Variants in PYROXD2 observed in about 807,000 individuals in gnomAD.
PYROXD2 encodes the protein pyridine nucleotide-disulphide oxidoreductase domain 2.
A neutral mutation model predicts 71.1 loss-of-function variants in PYROXD2; 69 were observed. The ratio of observed to expected loss-of-function variants is 0.97; its 90% CI spans 0.80 to 1.19. The LOEUF (loss-of-function observed/expected upper bound fraction) is 1.19. Ranked by LOEUF, PYROXD2 falls within the 50% of genes most tolerant of loss-of-function variation. PYROXD2 has a pLI of 0.00. For missense variants in PYROXD2, 745 were observed against 748.9 expected (o/e 0.99, Z 0.06); for synonymous variants, 287 against 302.7 (o/e 0.95, Z 0.54).
chr10:98,408,141 C>T, intron 2 of PYROXD2, 144 bp from the exon 3 acceptor site: 2 of 687,108 alleles, frequency 2.9e-6, no homozygotes, highest in Non-Finnish European at 4.8e-6. Flanking sequence ...TCATGCTGTT[C>T]CTGCCTCTGG....
At chr10:98,414,948 G>C in intron 1 of PYROXD2, 61 bp downstream of exon 1, 6 of 1,568,660 alleles carry the variant, frequency 3.8e-6, no homozygotes, top group South Asian at 2.4e-5. Flanking sequence ...TCCCCACCAA[G>C]CTCTGAGCAG....
chr10:98,409,367 TA>T (rs1344277023), intron 2 of PYROXD2, among the ~76,000 whole-genome samples: 4 of 152,240 alleles, frequency 2.6e-5, no homozygotes, highest in African/African-American at 9.6e-5. Context: ...TGACAGTATC[TA>T]ATCTGTGGCA....
At chr10:98,403,363 A>T (rs10883089) in intron 4 of PYROXD2, among the ~76,000 whole-genome samples, 1 of 152,034 alleles carries the variant, frequency 6.6e-6, no homozygotes, top group Admixed American at 6.6e-5. Context: ...GCGGCGGCCT[A>T]GTGCTCCACA....
chr10:98,389,263 T>TC (rs1842867750), intron 12 of PYROXD2, among the ~76,000 whole-genome samples: 1 of 150,250 alleles, frequency 6.7e-6, no homozygotes, highest in South Asian at 2.3e-4. Flanking sequence ...CACATCCCAC[T>TC]CCCTATCCAA....
In PYROXD2 at chr10:98,383,639, G is replaced by T; in HGVS notation, c.*159C>A. On this transcript the variant is annotated 3_prime_UTR_variant, in exon 16 of 16. Transcript: ENST00000370575. ...GGAGGCATGGGCATAAGGTCAACTT[G>T]CACTAAATGTAACTCGTACGTTTTT... 1.4e-6 allele frequency: 1 copy of T among 696,848 alleles called. No individual in the cohort carries two copies. Among genetic ancestry groups the T allele is most frequent in the Non-Finnish European group, 2.6e-6 (1 of 382,568 alleles). The allele number at this position is 696,848 out of a possible 1,614,324, so 43.2% of individuals were successfully genotyped here.
intron 5 of PYROXD2, among the ~76,000 whole-genome samples, chr10:98,398,810 A>G (rs1004071365): frequency 6.6e-6 from 1 of 152,088 alleles, no homozygotes; most frequent in Non-Finnish European, 1.5e-5. Context: ...CTGCTGCACA[A>G]AAGAACCACC....
intron 1 of PYROXD2, among the ~76,000 whole-genome samples, chr10:98,414,557 G>A (rs1183260854): frequency 1.3e-5 from 2 of 152,190 alleles, no homozygotes; most frequent in African/African-American, 2.4e-5. Flanking sequence ...GTGACGAGGG[G>A]TGGCCTCAGT....
intron 1 of PYROXD2, among the ~76,000 whole-genome samples, chr10:98,412,320 A>G (rs867836336): frequency 3.9e-5 from 6 of 152,230 alleles, no homozygotes; most frequent in Middle Eastern, 3.4e-3. Context: ...GCTTCTGGTG[A>G]CACCTCTGTT....
chr10:98,408,032 T>C (rs1402273262), intron 2 of PYROXD2, 35 bp from the exon 3 acceptor site: 1 of 1,566,590 alleles, frequency 6.4e-7, no homozygotes, highest in Non-Finnish European at 8.7e-7. Flanking sequence ...GCCCTCCCTT[T>C]ATCCCTCTGA....
chr10:98,413,673 C>T (rs561968489), intron 1 of PYROXD2, among the ~76,000 whole-genome samples: 44 of 152,114 alleles, frequency 2.9e-4, no homozygotes, highest in African/African-American at 9.6e-4. Flanking sequence ...GAGATTGCGC[C>T]GCTGCACTCC....
At chr10:98,394,434 G>T (rs1843073888) in intron 8 of PYROXD2, among the ~76,000 whole-genome samples, 1 of 152,086 alleles carries the variant, frequency 6.6e-6, no homozygotes, top group African/African-American at 2.4e-5. Flanking sequence ...CCGAGGGTGT[G>T]CTCATCCCTT....
intron 10 of PYROXD2, 92 bp from the exon 11 acceptor site, chr10:98,391,174 T>C (rs968502353): frequency 5.8e-6 from 5 of 855,940 alleles, no homozygotes; most frequent in Non-Finnish European, 5.9e-6. Context: ...CCTCAGTCGC[T>C]CCCTCCGGAA....
intron 4 of PYROXD2, 145 bp from the exon 5 acceptor site, chr10:98,400,402 T>A: frequency 1.3e-6 from 1 of 771,396 alleles, no homozygotes; most frequent in Non-Finnish European, 2.0e-6. Flanking sequence ...TTTTTAAATA[T>A]AAGTTTATAA....
chr10:98,407,678 C>A, intron 3 of PYROXD2, 23 bp from the exon 4 acceptor site: 2 of 1,598,206 alleles, frequency 1.3e-6, no homozygotes, highest in Non-Finnish European at 1.7e-6. Flanking sequence ...CCGATGAAGA[C>A]TGTCACCAGG....
chr10:98,395,654 T>G (rs1001164840), intron 6 of PYROXD2, among the ~76,000 whole-genome samples: 13 of 152,182 alleles, frequency 8.5e-5, no homozygotes, highest in Admixed American at 3.3e-4. Flanking sequence ...TTTTAACATC[T>G]CTGAACCTGC....
intron 4 of PYROXD2, among the ~76,000 whole-genome samples, chr10:98,406,891 C>CAA (rs35562526): frequency 3.1e-3 from 227 of 73,024 alleles, no homozygotes; most frequent in African/African-American, 6.6e-3. Flanking sequence ...GACTCCGTCC[C>CAA]AAAAAAAAAA....
At chr10:98,408,709 T>C (rs1010781758) in intron 2 of PYROXD2, among the ~76,000 whole-genome samples, 4 of 152,200 alleles carry the variant, frequency 2.6e-5, no homozygotes, top group Admixed American at 2.6e-4. Context: ...CAATAAATAT[T>C]TGTTGAACCA....
intron 5 of PYROXD2, among the ~76,000 whole-genome samples, 156 bp downstream of exon 5, chr10:98,399,946 G>A (rs1405693365): frequency 6.6e-6 from 1 of 152,230 alleles, no homozygotes; most frequent in Non-Finnish European, 1.5e-5. Context: ...CAGTGCCTGA[G>A]ATCAAGAGCT....
intron 8 of PYROXD2, among the ~76,000 whole-genome samples, chr10:98,393,881 C>G (rs1410704157): frequency 6.6e-6 from 1 of 152,184 alleles, no homozygotes; most frequent in Non-Finnish European, 1.5e-5. Flanking sequence ...ACTAACAGAA[C>G]CTCTCGATTT....
Sources: allele counts gnomAD v4.1 joint callset (sites outside exome capture counted in the v4.1 genomes callset), GRCh38; gene constraint gnomAD v4.1.1; transcripts MANE v1.5; gene names NCBI Gene and HGNC (gene_info 2026-07-23, HGNC 2026-07-21).